Variants in B3GALT1 observed in about 807,000 individuals in gnomAD.
The protein encoded by B3GALT1 is beta-1,3-galactosyltransferase 1, also known as UDP-Gal:betaGlcNAc beta 1,3-galactosyltransferase, polypeptide 1.
In B3GALT1, 10 loss-of-function variants were observed where a neutral mutation model predicts 23.2. The ratio of observed to expected loss-of-function variants is 0.43; its 90% CI spans 0.27 to 0.73. The LOEUF (loss-of-function observed/expected upper bound fraction) is 0.73. B3GALT1 is among the 30% of genes least tolerant of loss of function. The probability of loss-of-function intolerance (pLI) is 0.21; values close to 1 mark genes in which losing one functional copy is unlikely to be tolerated. For synonymous variants in B3GALT1, 156 were observed against 141.5 expected (o/e 1.10, Z -0.73); for missense variants, 299 against 405.4 (o/e 0.74, Z 2.25).
chr2:167,304,430 C>T (rs939397123), intron 1 of B3GALT1, among the ~76,000 whole-genome samples: 9 of 152,018 alleles, frequency 5.9e-5, no homozygotes, highest in Admixed American at 3.3e-4. Flanking sequence ...GTTCTCTTTA[C>T]CAGTGGAAAT....
chr2:167,350,616 C>T (rs1001824754), intron 1 of B3GALT1, among the ~76,000 whole-genome samples: 4 of 152,172 alleles, frequency 2.6e-5, no homozygotes, highest in African/African-American at 9.7e-5. Context: ...CTGGAAAATG[C>T]TTAGGTATGC....
chr2:167,347,616 C>A (rs1697243393), intron 1 of B3GALT1, among the ~76,000 whole-genome samples: 1 of 152,122 alleles, frequency 6.6e-6, no homozygotes, highest in Non-Finnish European at 1.5e-5. Context: ...TTGGGATTCA[C>A]CAAAACTGCT....
At chr2:167,680,678 G>A (rs765340436) in intron 3 of B3GALT1, among the ~76,000 whole-genome samples, 7 of 152,180 alleles carry the variant, frequency 4.6e-5, no homozygotes, top group Non-Finnish European at 7.4e-5. Flanking sequence ...TATCTCAAGA[G>A]GTTAAGGGAT....
chr2:167,836,177 G>A (rs982443355), intron 4 of B3GALT1, among the ~76,000 whole-genome samples: 22 of 152,304 alleles, frequency 1.4e-4, no homozygotes, highest in East Asian at 3.9e-4. Context: ...AAAGCTGGAC[G>A]GAGAACGACT....
intron 2 of B3GALT1, among the ~76,000 whole-genome samples, chr2:167,609,542 A>T (rs1685022940): frequency 1.3e-5 from 2 of 151,970 alleles, no homozygotes; most frequent in Non-Finnish European, 2.9e-5. Flanking sequence ...TTCCCCTGTG[A>T]TTTAGGACAA....
At chr2:167,504,655 G>GT (rs5836146) in intron 2 of B3GALT1, among the ~76,000 whole-genome samples, 36,526 of 152,136 alleles carry the variant, frequency 0.24, 4,641 homozygotes, top group East Asian at 0.39. Flanking sequence ...CTGCATGACA[G>GT]TTTGGTCTTT....
At chr2:167,442,887 C>G (rs1415512724) in intron 1 of B3GALT1, among the ~76,000 whole-genome samples, 3 of 140,400 alleles carry the variant, frequency 2.1e-5, no homozygotes, top group African/African-American at 8.2e-5. Flanking sequence ...TAATTAGATC[C>G]CATTTGTCAA....
At chr2:167,756,234 A>G (rs1687815250) in intron 3 of B3GALT1, among the ~76,000 whole-genome samples, 1 of 152,064 alleles carries the variant, frequency 6.6e-6, no homozygotes, top group Non-Finnish European at 1.5e-5. Context: ...TCCAACTGCT[A>G]AGATATTCCA....
chr2:167,386,547 A>T (rs555877830), intron 1 of B3GALT1, among the ~76,000 whole-genome samples: 3 of 150,636 alleles, frequency 2.0e-5, no homozygotes, highest in East Asian at 3.9e-4. Context: ...AGGTATTGAA[A>T]TTTTTTTTTT....
chr2:167,832,842 G>A (rs534885514), intron 4 of B3GALT1, among the ~76,000 whole-genome samples: 7 of 152,328 alleles, frequency 4.6e-5, no homozygotes, highest in African/African-American at 9.6e-5. Flanking sequence ...ACAAAGCAAC[G>A]TAAAGTAAAA....
chr2:167,801,691 C>T (rs891253022), intron 3 of B3GALT1, among the ~76,000 whole-genome samples: 1 of 152,194 alleles, frequency 6.6e-6, no homozygotes, highest in African/African-American at 2.4e-5. Flanking sequence ...TTCTGAAGGA[C>T]ATAAATGTTT....
At chr2:167,298,889 CAAA>C (rs142987104) in intron 1 of B3GALT1, among the ~76,000 whole-genome samples, 2 of 150,122 alleles carry the variant, frequency 1.3e-5, no homozygotes, top group African/African-American at 4.9e-5. Flanking sequence ...AACAGAAAAA[CAAA>C]AAAACTAGGT....
chr2:167,375,318 T>G (rs1307720329), intron 1 of B3GALT1, among the ~76,000 whole-genome samples: 1 of 152,104 alleles, frequency 6.6e-6, no homozygotes, highest in Non-Finnish European at 1.5e-5. Flanking sequence ...TGTGGCTATT[T>G]GGGCTCTTTT....
At chr2:167,538,501 C>G (rs1488773733) in intron 2 of B3GALT1, among the ~76,000 whole-genome samples, 2 of 152,114 alleles carry the variant, frequency 1.3e-5, no homozygotes, top group Non-Finnish European at 2.9e-5. Context: ...TGATTTCAAT[C>G]TCTGTAAGTA....
intron 3 of B3GALT1, among the ~76,000 whole-genome samples, chr2:167,813,710 C>T (rs1418049455): frequency 6.6e-6 from 1 of 152,154 alleles, no homozygotes; most frequent in African/African-American, 2.4e-5. Context: ...GAAGAAAGAA[C>T]TCTGATACAT....
chr2:167,608,579 A>G (rs1045888041), intron 2 of B3GALT1, among the ~76,000 whole-genome samples: 4 of 152,150 alleles, frequency 2.6e-5, no homozygotes, highest in African/African-American at 9.7e-5. Context: ...GGTATGTTTA[A>G]CACTTATTCT....
intron 2 of B3GALT1, among the ~76,000 whole-genome samples, chr2:167,519,259 A>G (rs1700151460): frequency 6.6e-6 from 1 of 152,196 alleles, no homozygotes; most frequent in Admixed American, 6.6e-5. Flanking sequence ...AACATAGATC[A>G]GAACTGCAGA....
At chr2:167,744,015 G>A (rs1426346588) in intron 3 of B3GALT1, among the ~76,000 whole-genome samples, 2 of 152,114 alleles carry the variant, frequency 1.3e-5, no homozygotes, top group Non-Finnish European at 2.9e-5. Context: ...TTTGATTTAT[G>A]AGTTATTCAA....
chr2:167,304,703 T>C (rs916649522), intron 1 of B3GALT1, among the ~76,000 whole-genome samples: 45 of 151,782 alleles, frequency 3.0e-4, no homozygotes, highest in Admixed American at 1.3e-4. Context: ...CTATAAGAAT[T>C]GGCTCAGGAG....
Sources: gnomAD v4.1 joint callset for allele counts (sites outside exome capture counted in the v4.1 genomes callset) on GRCh38, gnomAD v4.1.1 for gene constraint, MANE v1.5 for transcripts, NCBI Gene and HGNC (gene_info 2026-07-23, HGNC 2026-07-21) for gene names.